Variants in STON2 observed in about 807,000 individuals in gnomAD.
STON2 encodes the protein stonin-2.
Under a neutral mutation model 65.7 loss-of-function variants are expected in STON2, and 29 were observed. The ratio of observed to expected loss-of-function variants is 0.44; its 90% confidence interval spans 0.33 to 0.60. STON2 has a LOEUF of 0.60. STON2 is among the 20% of genes least tolerant of loss of function. The pLI, the probability that STON2 is intolerant of heterozygous loss-of-function variation, is 0.03. For synonymous variants in STON2, 404 were observed against 414.2 expected, an observed-to-expected ratio of 0.98 and a Z score of 0.30; for missense variants, 1,054 against 1,118.1, an observed-to-expected ratio of 0.94 and a Z score of 0.82.
intron 5 of STON2, among the ~76,000 whole-genome samples, chr14:81,279,951 T>G (rs1304222916): frequency 6.6e-6 from 1 of 152,212 alleles, no homozygotes; most frequent in African/African-American, 2.4e-5. Flanking sequence ...CATTTTGGCA[T>G]TATTTATAAT....
At chr14:81,270,145 T>A (rs1219777369) in intron 7 of STON2, 5 of 676,874 alleles carry the variant, frequency 7.4e-6, no homozygotes, top group Non-Finnish European at 9.1e-6. Flanking sequence ...TGGAGTACAG[T>A]GGTGCAATCA....
At chr14:81,310,724 T>C (rs1274460826) in intron 5 of STON2, among the ~76,000 whole-genome samples, 1 of 152,168 alleles carries the variant, frequency 6.6e-6, no homozygotes, top group Non-Finnish European at 1.5e-5. Flanking sequence ...CTGACATCTC[T>C]TTCACGGCAG....
Position 81,298,417 on chromosome 14 carries a change from G to GC in STON2, c.743-19679_743-19678insG, listed in dbSNP as rs1555396826. The stretch of plus-strand genomic sequence containing the variant: ...CTAAAGCCTCAACTGCTTCAGATGG[G>GC]GGGGGGGAATCACAGAATTTAAAAG... On this transcript the variant is annotated intron_variant, in intron 5 of 7. Coordinates refer to ENST00000614646, the MANE Select transcript of STON2 (RefSeq NM_001394390.1). 2.3e-4 allele frequency among the ~76,000 whole-genome samples: 9 copies of GC among 39,376 alleles called. No individual in the cohort carries two copies. In the East Asian group the frequency reaches 3.1e-3, roughly 14 times the overall value. 25.8% of individuals were successfully genotyped at this position (39,376 alleles called of 152,430 possible).
chr14:81,435,209 C>T (rs1320297080), intron 1 of STON2, among the ~76,000 whole-genome samples: 1 of 152,078 alleles, frequency 6.6e-6, no homozygotes, highest in Non-Finnish European at 1.5e-5. Context: ...TTTTTTACCG[C>T]CCCCCAAAAG....
Position 81,268,446 on chromosome 14 carries a change from T to G in STON2, c.2836A>C (p.Met946Leu). 7.8e-7 allele frequency: 1 copy of G among 1,289,610 alleles called. No individual in the cohort carries two copies. The highest frequency in any genetic ancestry group is 5.5e-5 in the East Asian group (1 of 18,024). The allele number at this position is 1,289,610 out of a possible 1,614,324, so 79.9% of individuals were successfully genotyped here. A position where few individuals can be genotyped will look rare whatever the true frequency, so the allele number is the denominator to read the frequency against. Residue 946 changes from methionine (M) to leucine (L), a missense_variant, in exon 8 of 8, where the codon ATG (methionine) becomes CTG (leucine). Physicochemically the swap from Met to Leu is conservative, Grantham distance 15. Coordinates refer to ENST00000614646, the MANE Select transcript of STON2 (RefSeq NM_001394390.1). ...ACTCCACACTCCTTGGGATTTTCCA[T>G]TTCATCTCCTTCAAAGTCCGGCTTC... The part of the protein sequence containing the change: ...SLKPDFEGDE[M>L]ENPKECGVQ
At chr14:81,383,571 C>T (rs1899639722) in intron 3 of STON2, among the ~76,000 whole-genome samples, 2 of 152,166 alleles carry the variant, frequency 1.3e-5, no homozygotes, top group Non-Finnish European at 2.9e-5. Flanking sequence ...CTCACAGTTG[C>T]TCCATCACAA....
At chr14:81,383,649 C>T (rs1317264543) in intron 3 of STON2, among the ~76,000 whole-genome samples, 1 of 152,152 alleles carries the variant, frequency 6.6e-6, no homozygotes, top group African/African-American at 2.4e-5. Flanking sequence ...CAAGCTACCA[C>T]CCTGCTGCAA....
rs968949321 is a variant in STON2 at position 81,263,227 on chromosome 14, G to A, written c.*5187C>T. On this transcript the variant is annotated 3_prime_UTR_variant, in exon 8 of 8. Transcript: ENST00000614646. ...TTTGAATGTGGCCCAAGACAAATTC[G>A]TAAACTTTCTTAAAACATTATGCTA... is the stretch of plus-strand genomic sequence containing the variant. The A allele has an allele frequency of 5.4e-6, 5 of 931,194 alleles. No homozygotes were observed. Among genetic ancestry groups the A allele is most frequent in the African/African-American group, 1.8e-5 (1 of 56,094 alleles). The allele number at this position is 931,194 out of a possible 1,614,324, so 57.7% of individuals were successfully genotyped here.
In STON2 at chr14:81,262,025, T is replaced by C; in HGVS notation, c.*6389A>G. 7.3e-7 allele frequency: 1 copy of C among 1,368,960 alleles called. No homozygotes were observed. The highest frequency in any genetic ancestry group is 1.5e-5 in the African/African-American group (1 of 68,282). The allele number at this position is 1,368,960 out of a possible 1,614,324, so 84.8% of individuals were successfully genotyped here. ...TTTTTCCAATCTTCAAAATTTAAATTTCTTGGTTCTTATAAACATAGGAAG... is the reference window on the plus strand; with the variant it reads ...TTTTTCCAATCTTCAAAATTTAAATCTCTTGGTTCTTATAAACATAGGAAG... On this transcript the variant is annotated 3_prime_UTR_variant, in exon 8 of 8. Coordinates refer to ENST00000614646, the MANE Select transcript of STON2 (RefSeq NM_001394390.1).
intron 1 of STON2, among the ~76,000 whole-genome samples, chr14:81,432,186 C>CA (rs950209119): frequency 8.0e-5 from 12 of 149,774 alleles, no homozygotes; most frequent in Admixed American, 4.0e-4. Context: ...AAAACCATAG[C>CA]AAAAAAAAAG....
chr14:81,327,481 G>A (rs372216033), intron 4 of STON2, among the ~76,000 whole-genome samples: 17 of 151,730 alleles, frequency 1.1e-4, no homozygotes, highest in Admixed American at 1.3e-4. Flanking sequence ...TTTGATTTTC[G>A]GACAGACTAG....
At chr14:81,371,676 TAAA>T (rs34428344) in intron 3 of STON2, among the ~76,000 whole-genome samples, 2 of 97,670 alleles carry the variant, frequency 2.0e-5, no homozygotes, top group South Asian at 4.0e-4. Context: ...AGACTGAGTC[TAAA>T]AAAAAAAAAA....
chr14:81,390,348 A>G (rs1252111565), intron 3 of STON2, among the ~76,000 whole-genome samples: 1 of 152,232 alleles, frequency 6.6e-6, no homozygotes, highest in Non-Finnish European at 1.5e-5. Flanking sequence ...AATTCTGAGC[A>G]CTGCGCTATG....
chr14:81,279,481 G>A (rs1895017911), intron 5 of STON2, among the ~76,000 whole-genome samples: 1 of 152,110 alleles, frequency 6.6e-6, no homozygotes, highest in Non-Finnish European at 1.5e-5. Context: ...ACGAGGTCAG[G>A]AATTCGGCAC....
chr14:81,412,976 G>A lies in STON2; in HGVS notation c.-199+14126C>T, dbSNP rs188428119. The A allele has an allele frequency of 5.8e-5, 61 of 1,051,184 alleles. 20 individuals carry two copies. In the East Asian group the frequency reaches 1.3e-3, roughly 22 times the overall value. The allele number at this position is 1,051,184 out of a possible 1,614,324, so 65.1% of individuals were successfully genotyped here. A position where few individuals can be genotyped will look rare whatever the true frequency, so the allele number is the denominator to read the frequency against. Reference sequence around the variant, plus strand: ...CCCTTCTCCATGGGTAACCATGTGCGACCAAAAGGCCGTGATCAAAAATGC... The same window carrying A: ...CCCTTCTCCATGGGTAACCATGTGCAACCAAAAGGCCGTGATCAAAAATGC... On this transcript the variant is annotated intron_variant, in intron 2 of 8. Coordinates refer to the STON2 transcript ENST00000553821.
At chr14:81,292,439 T>C (rs958708596) in intron 5 of STON2, among the ~76,000 whole-genome samples, 3 of 152,192 alleles carry the variant, frequency 2.0e-5, no homozygotes, top group Non-Finnish European at 4.4e-5. Flanking sequence ...TAATCCCCTC[T>C]TGTCATTGGA....
chr14:81,345,122 T>C (rs1248851694), intron 4 of STON2, among the ~76,000 whole-genome samples: 2 of 152,188 alleles, frequency 1.3e-5, no homozygotes, highest in South Asian at 2.1e-4. Flanking sequence ...AAATACTATA[T>C]AGGTTGGGCT....
At chr14:81,388,059 C>T (rs919382032) in intron 3 of STON2, among the ~76,000 whole-genome samples, 28 of 147,242 alleles carry the variant, frequency 1.9e-4, no homozygotes, top group Admixed American at 1.4e-3. Flanking sequence ...AAGCGATTCT[C>T]CTGCCTCAGC....
At chr14:81,344,798 C>T (rs72701735) in intron 4 of STON2, among the ~76,000 whole-genome samples, 4,839 of 152,304 alleles carry the variant, frequency 0.032, 126 homozygotes, top group South Asian at 0.075. Flanking sequence ...ATAGACATTA[C>T]CGTTTAATCC....
Sources: allele counts gnomAD v4.1 joint callset (sites outside exome capture counted in the v4.1 genomes callset), GRCh38; gene constraint gnomAD v4.1.1; transcripts MANE v1.5; gene names NCBI Gene and HGNC (gene_info 2026-07-23, HGNC 2026-07-21).